The following SH3RF3 variants were observed in gnomAD, a reference collection of about 807,000 sequenced individuals.
The protein encoded by SH3RF3 is SH3 domain containing ring finger 3.
Under a neutral mutation model 66.3 loss-of-function variants are expected in SH3RF3, and 29 were observed. The observed-to-expected ratio is 0.44, with a 90% confidence interval of 0.33 to 0.60. The LOEUF (loss-of-function observed/expected upper bound fraction) is 0.60. SH3RF3 is among the 20% of genes least tolerant of loss of function. The pLI is 0.04. For synonymous variants in SH3RF3, 583 were observed against 532.0 expected (o/e 1.10, Z -1.32); for missense variants, 1,194 against 1,190.9 (o/e 1.00, Z -0.04).
chr2:109,317,549 G>A (rs1681917264), intron 1 of SH3RF3, among the ~76,000 whole-genome samples: 1 of 152,170 alleles, frequency 6.6e-6, no homozygotes, highest in Non-Finnish European at 1.5e-5. Context: ...GTTCTGCCGG[G>A]CCTGCCTCAT....
chr2:109,379,770 C>T (rs1683470485), intron 3 of SH3RF3, among the ~76,000 whole-genome samples: 1 of 152,094 alleles, frequency 6.6e-6, no homozygotes, highest in Admixed American at 6.5e-5. Flanking sequence ...GTAAAGCCCT[C>T]CTGCAGGTGA....
At chr2:109,493,766 T>G (rs1297455758) in intron 9 of SH3RF3, among the ~76,000 whole-genome samples, 1 of 151,524 alleles carries the variant, frequency 6.6e-6, no homozygotes, top group Non-Finnish European at 1.5e-5. Flanking sequence ...ACACCAAACA[T>G]GCACTGCACA....
chr2:109,450,912 A>G (rs1677848840), intron 8 of SH3RF3, among the ~76,000 whole-genome samples: 1 of 152,206 alleles, frequency 6.6e-6, no homozygotes, highest in Non-Finnish European at 1.5e-5. Context: ...CCTGGACACT[A>G]GATGGTGTGT....
intron 7 of SH3RF3, among the ~76,000 whole-genome samples, chr2:109,445,137 G>A (rs1677671621): frequency 1.3e-5 from 2 of 152,232 alleles, no homozygotes; most frequent in Non-Finnish European, 2.9e-5. Flanking sequence ...AATTTATCCA[G>A]AATACAGAGC....
At chr2:109,410,092 A>C (rs1040866448) in intron 4 of SH3RF3, among the ~76,000 whole-genome samples, 20 of 152,208 alleles carry the variant, frequency 1.3e-4, no homozygotes, top group African/African-American at 4.8e-4. Context: ...GTTCCCAGCC[A>C]CTGCTTAGGG....
rs556874542 is a variant in SH3RF3, at chr2:109,365,034, G to GAC, written c.850-6540_850-6539dup. On this transcript the variant is annotated intron_variant, in intron 2 of 9. Transcript: ENST00000309415. ...AGACTCTGTCTCAAAAAGAAACACA[G>GAC]ACACACACACACATATAAAACAAAC... 7.6e-3 allele frequency among the ~76,000 whole-genome samples: 1,137 copies of GAC among 149,610 alleles called. 15 individuals are homozygous for GAC. The highest frequency in any genetic ancestry group is 0.027 in the African/African-American group (1,078 of 40,242).
At chr2:109,174,795 C>T (rs1292764541) in intron 1 of SH3RF3, among the ~76,000 whole-genome samples, 1 of 152,178 alleles carries the variant, frequency 6.6e-6, no homozygotes, top group African/African-American at 2.4e-5. Context: ...TGCTGGCAGA[C>T]CCATGAGGGC....
chr2:109,312,318 C>T (rs1301698183), intron 1 of SH3RF3, among the ~76,000 whole-genome samples: 1 of 152,160 alleles, frequency 6.6e-6, no homozygotes, highest in African/African-American at 2.4e-5. Context: ...TTGGCTTGCT[C>T]CTCTTTCTAA....
intron 8 of SH3RF3, among the ~76,000 whole-genome samples, chr2:109,454,452 C>T (rs1033250482): frequency 6.6e-6 from 1 of 152,170 alleles, no homozygotes; most frequent in Non-Finnish European, 1.5e-5. Context: ...GAGTGGTGCT[C>T]CTTGCCTCCT....
chr2:109,135,182 C>T (rs1190118413), intron 1 of SH3RF3, among the ~76,000 whole-genome samples: 2 of 152,184 alleles, frequency 1.3e-5, no homozygotes, highest in Non-Finnish European at 2.9e-5. Flanking sequence ...GGTGAGCAAA[C>T]GGTGACCCAG....
rs1157397269 is a variant in SH3RF3, at chr2:109,342,842, G to T, written c.574-4832G>T. ...TGTGTGTGCCACATCTGAGTAATGA[G>T]CCATGAAATTGACATTATAAGTTTT... On this transcript the variant is annotated intron_variant, in intron 1 of 9. Coordinates refer to ENST00000309415, the MANE Select transcript of SH3RF3 (RefSeq NM_001099289.3). Among the ~76,000 whole-genome samples the T allele has an allele frequency of 3.3e-5, 5 of 152,234 alleles. 1 individual carries two copies. Among genetic ancestry groups the T allele is most frequent in the Admixed American group, 3.3e-4 (5 of 15,292 alleles).
chr2:109,193,443 C>T (rs1558950242), intron 1 of SH3RF3, among the ~76,000 whole-genome samples: 3 of 152,162 alleles, frequency 2.0e-5, no homozygotes, highest in South Asian at 4.1e-4. Flanking sequence ...TACTGTCACC[C>T]CAGCTCTGGG....
intron 1 of SH3RF3, among the ~76,000 whole-genome samples, chr2:109,197,042 T>A (rs78832395): frequency 1.3e-5 from 2 of 152,238 alleles, no homozygotes; most frequent in East Asian, 3.9e-4. Flanking sequence ...CTGTTTTCCC[T>A]TTTCTGCAGA....
intron 4 of SH3RF3, among the ~76,000 whole-genome samples, chr2:109,407,128 G>T (rs1325501642): frequency 6.6e-6 from 1 of 152,226 alleles, no homozygotes; most frequent in Non-Finnish European, 1.5e-5. Context: ...TGGGTCCAGA[G>T]TGTGGTCAGA....
intron 6 of SH3RF3, among the ~76,000 whole-genome samples, chr2:109,434,737 G>A (rs973739012): frequency 1.3e-5 from 2 of 152,340 alleles, no homozygotes; most frequent in East Asian, 1.9e-4. Flanking sequence ...AGTTCTACAG[G>A]CATTCAGGAT....
chr2:109,289,238 C>T (rs959450715), intron 1 of SH3RF3, among the ~76,000 whole-genome samples: 6 of 152,300 alleles, frequency 3.9e-5, no homozygotes, highest in African/African-American at 7.2e-5. Context: ...TATGTGCACA[C>T]GGTGTAATGA....
chr2:109,350,739 T>G (rs1164327312), intron 2 of SH3RF3, among the ~76,000 whole-genome samples: 1 of 152,200 alleles, frequency 6.6e-6, no homozygotes, highest in Non-Finnish European at 1.5e-5. Flanking sequence ...TCTGACAACC[T>G]CCATGTGAAT....
chr2:109,371,470 T>G (rs941901423), intron 2 of SH3RF3, 116 bp from the exon 3 acceptor site: 27 of 765,616 alleles, frequency 3.5e-5, no homozygotes, highest in Non-Finnish European at 5.6e-5. Flanking sequence ...GCACTCTTCT[T>G]GAACTCATTC....
At chr2:109,294,341 G>A (rs1229719123) in intron 1 of SH3RF3, among the ~76,000 whole-genome samples, 2 of 151,982 alleles carry the variant, frequency 1.3e-5, no homozygotes, top group Admixed American at 6.6e-5. Flanking sequence ...CTGGTGGATC[G>A]CTTGAGTCCA....
Sources: gnomAD v4.1 joint callset for allele counts (sites outside exome capture counted in the v4.1 genomes callset) on GRCh38, gnomAD v4.1.1 for gene constraint, MANE v1.5 for transcripts, NCBI Gene and HGNC (gene_info 2026-07-23, HGNC 2026-07-21) for gene names.